BCO1: variants seen among roughly 807,000 people sequenced by gnomAD.
BCO1 encodes beta,beta-carotene 15,15'-dioxygenase.
A neutral mutation model predicts 56.3 loss-of-function variants in BCO1; 54 were observed. That is an observed-to-expected ratio of 0.96 (90% CI 0.77 to 1.20). The LOEUF (loss-of-function observed/expected upper bound fraction) is 1.20, where lower values mean the gene tolerates loss of function less well. Ranked by LOEUF, BCO1 falls within the 50% of genes most tolerant of loss-of-function variation. The pLI, the probability that BCO1 is intolerant of heterozygous loss-of-function variation, is 0.00. For missense variants in BCO1, 801 were observed against 690.9 expected (o/e 1.16, Z -1.79); for synonymous variants, 318 against 266.1 (o/e 1.20, Z -1.90).
intron 7 of BCO1, among the ~76,000 whole-genome samples, chr16:81,274,258 C>CTTTTTTTTT (rs755672295): frequency 2.5e-5 from 2 of 80,534 alleles, no homozygotes; most frequent in Non-Finnish European, 4.7e-5. Flanking sequence ...GCTTGTGTAT[C>CTTTTTTTTT]TTTTTTTTTT....
At chr16:81,255,125 C>T (rs74029094) in intron 2 of BCO1, among the ~76,000 whole-genome samples, 1 of 152,148 alleles carries the variant, frequency 6.6e-6, no homozygotes, top group Non-Finnish European at 1.5e-5. Context: ...GCGTGGGTAG[C>T]TCCCCTTTGT....
At chr16:81,264,823 A>G (rs765677522) in intron 5 of BCO1, 36 bp downstream of exon 5, 2 of 1,612,304 alleles carry the variant, frequency 1.2e-6, no homozygotes, top group South Asian at 2.2e-5. Context: ...AAACACAAAC[A>G]ACCAAGTGTG....
rs1352147610 is a variant in BCO1 at position 81,238,985 on chromosome 16, A to G, written c.64+13A>G. ...GCCAAAGTGACAGGTGAGCATTCTG[A>G]TAAACACTGGGCTCTTTCTTCTATT... On this transcript the variant is annotated intron_variant, in intron 1 of 10. Transcript: ENST00000258168. 1 of 1,610,160 alleles carries G rather than the reference A, an allele frequency of 6.2e-7. No individual in the cohort carries two copies. The highest frequency in any genetic ancestry group is 8.5e-7 in the Non-Finnish European group (1 of 1,176,702).
At chr16:81,269,043 T>C (rs1227421083) in intron 6 of BCO1, among the ~76,000 whole-genome samples, 3 of 150,708 alleles carry the variant, frequency 2.0e-5, no homozygotes, top group Admixed American at 6.6e-5. Context: ...TGGGATTACA[T>C]GTGTGAGCCA....
At chr16:81,286,402 C>T (rs1324903452) in intron 9 of BCO1, among the ~76,000 whole-genome samples, 1 of 152,120 alleles carries the variant, frequency 6.6e-6, no homozygotes, top group East Asian at 1.9e-4. Flanking sequence ...AATCCCAAAC[C>T]CCAGAGGGAA....
At position 81,286,476 on chromosome 16, in the gene BCO1, G is replaced by A. The variant is rs76568409; in HGVS notation, c.1303-819G>A. 8.2e-3 allele frequency among the ~76,000 whole-genome samples: 1,242 copies of A among 152,182 alleles called. 21 individuals carry two copies. The highest frequency in any genetic ancestry group is 0.028 in the African/African-American group (1,177 of 41,498). On this transcript the variant is annotated intron_variant, in intron 9 of 10. Transcript: ENST00000258168. ...GCACCCTTAAAGCAACAAAGGGGTT[G>A]TATTGTACTTTAAATGTTTGCATTG... is the stretch of plus-strand genomic sequence containing the variant.
chr16:81,270,692 C>CTCTCTGTG (rs146010684), intron 7 of BCO1, among the ~76,000 whole-genome samples: 1 of 143,788 alleles, frequency 7.0e-6, no homozygotes, highest in South Asian at 2.3e-4. Context: ...CTCTCTGTGT[C>CTCTCTGTG]TGTGTGTGTG....
intron 8 of BCO1, among the ~76,000 whole-genome samples, chr16:81,283,304 A>G (rs1349314000): frequency 6.6e-6 from 1 of 151,866 alleles, no homozygotes; most frequent in Admixed American, 6.6e-5. Context: ...GCCAGGCGCA[A>G]TGGCAATTAC....
intron 7 of BCO1, among the ~76,000 whole-genome samples, chr16:81,276,480 G>C (rs1186967634): frequency 6.6e-6 from 1 of 152,224 alleles, no homozygotes; most frequent in Non-Finnish European, 1.5e-5. Context: ...AGGTGGCCAG[G>C]GCTGGCTGTT....
intron 2 of BCO1, among the ~76,000 whole-genome samples, chr16:81,248,405 C>CAAAAAAA (rs372084002): frequency 2.4e-4 from 25 of 102,790 alleles, no homozygotes; most frequent in African/African-American, 6.3e-4. Flanking sequence ...CTCCCTCTCA[C>CAAAAAAA]AAAAAAAAAA....
intron 7 of BCO1, among the ~76,000 whole-genome samples, chr16:81,279,511 A>T (rs974897698): frequency 2.6e-5 from 4 of 152,256 alleles, no homozygotes; most frequent in Non-Finnish European, 4.4e-5. Context: ...AGCAGCTGAC[A>T]TTCATCTAGC....
At chr16:81,239,546 A>G (rs147266354) in intron 1 of BCO1, among the ~76,000 whole-genome samples, 85 of 152,284 alleles carry the variant, frequency 5.6e-4, no homozygotes, top group African/African-American at 1.9e-3. Context: ...AGACAATGGG[A>G]TTAATCTGCA....
chr16:81,265,895 C>T (rs564211157), intron 5 of BCO1, among the ~76,000 whole-genome samples: 122 of 152,056 alleles, frequency 8.0e-4, no homozygotes, highest in African/African-American at 2.6e-3. Context: ...TCCATCCATC[C>T]ACCCACCCAA....
In BCO1 at chr16:81,262,189, T is replaced by C. The variant is rs376471797; in HGVS notation, c.377T>C (p.Ile126Thr). The change falls in exon 4 of 11, where the codon ATC becomes ACC. Residue 126 changes from isoleucine (I) to threonine (T), a missense_variant. Physicochemically the swap from Ile to Thr is moderately conservative, Grantham distance 89. Transcript: ENST00000258168. ...CCCGATTTCACCGACAACTGCCTGATCAACATCATGAAGTGCGGAGAAGAC... is the reference window on the plus strand; with the variant it reads ...CCCGATTTCACCGACAACTGCCTGACCAACATCATGAAGTGCGGAGAAGAC... ...TIPDFTDNCL[I>T]NIMKCGEDFY... 82 of 1,613,688 alleles carry C rather than the reference T, an allele frequency of 5.1e-5. 1 individual carries two copies. Among genetic ancestry groups the C allele is most frequent in the Non-Finnish European group, 6.6e-5 (78 of 1,179,906 alleles).
chr16:81,240,463 T>G (rs1905060417), intron 1 of BCO1, among the ~76,000 whole-genome samples: 1 of 152,172 alleles, frequency 6.6e-6, no homozygotes, highest in Admixed American at 6.5e-5. Context: ...CCCAGCACTT[T>G]CGGAGGCCAA....
At chr16:81,257,405 C>T (rs1053841892) in intron 2 of BCO1, among the ~76,000 whole-genome samples, 4 of 152,058 alleles carry the variant, frequency 2.6e-5, no homozygotes, top group African/African-American at 7.2e-5. Context: ...GCTGGGATTA[C>T]AAGGGTGTGC....
intron 2 of BCO1, among the ~76,000 whole-genome samples, chr16:81,256,651 G>A (rs1013649847): frequency 2.6e-5 from 4 of 152,130 alleles, no homozygotes; most frequent in Non-Finnish European, 5.9e-5. Flanking sequence ...ACTTTGGGAG[G>A]CCGAGGCAGG....
chr16:81,267,044 A>G (rs1170130997), intron 5 of BCO1, among the ~76,000 whole-genome samples: 1 of 152,214 alleles, frequency 6.6e-6, no homozygotes, highest in African/African-American at 2.4e-5. Flanking sequence ...TCATGCTTGC[A>G]GAGGAATAAG....
chr16:81,248,405 C>CAAAAAAAAAAAAAAAAAAAAAAAA (rs372084002), intron 2 of BCO1, among the ~76,000 whole-genome samples: 3 of 102,796 alleles, frequency 2.9e-5, no homozygotes, highest in Admixed American at 1.2e-4. Flanking sequence ...CTCCCTCTCA[C>CAAAAAAAAAAAAAAAAAAAAAAAA]AAAAAAAAAA....
Sources: gnomAD v4.1 joint callset for allele counts (sites outside exome capture counted in the v4.1 genomes callset) on GRCh38, gnomAD v4.1.1 for gene constraint, MANE v1.5 for transcripts, NCBI Gene and HGNC (gene_info 2026-07-23, HGNC 2026-07-21) for gene names.